The following PRDM16 variants were observed in gnomAD, a reference collection of about 807,000 sequenced individuals.
The protein encoded by PRDM16 is histone-lysine N-methyltransferase PRDM16.
In PRDM16, 23 loss-of-function variants were observed where a neutral mutation model predicts 110.6. The observed-to-expected ratio is 0.21, with a 90% CI of 0.15 to 0.29. The LOEUF (loss-of-function observed/expected upper bound fraction) is 0.29. Among genes scored for constraint, PRDM16 ranks in the 10% least tolerant of loss-of-function variants. The pLI is 1.00. For missense variants in PRDM16, 1,615 were observed against 1,794.3 expected (o/e 0.90, Z 1.81); for synonymous variants, 799 against 781.8 (o/e 1.02, Z -0.37).
At chr1:3,127,227 C>A (rs1046357082) in intron 1 of PRDM16, among the ~76,000 whole-genome samples, 1 of 152,272 alleles carries the variant, frequency 6.6e-6, no homozygotes, top group South Asian at 2.1e-4. Flanking sequence ...CTTGACCTCT[C>A]ATGGTTTCTG....
chr1:3,234,091 G>A (rs372640300), intron 2 of PRDM16, among the ~76,000 whole-genome samples: 17 of 152,200 alleles, frequency 1.1e-4, no homozygotes, highest in South Asian at 4.1e-4. Flanking sequence ...CGATTGGGTC[G>A]GTCCCGGTGT....
At chr1:3,285,942 C>A (rs760003968) in intron 3 of PRDM16, among the ~76,000 whole-genome samples, 1 of 152,220 alleles carries the variant, frequency 6.6e-6, no homozygotes, top group Non-Finnish European at 1.5e-5. Flanking sequence ...AAAGCCCCTG[C>A]GGCGTGACAC....
rs993866830 is a variant in PRDM16 at position 3,080,210 on chromosome 1, G to A, written c.37+10914G>A. ...AAAATTACAGAATTATGCTGCCAGT[G>A]TCAGGTTCCCAGATAATGATGTGTC... On this transcript the variant is annotated intron_variant, in intron 1 of 16. Transcript: ENST00000270722. This position sits in a 1 kb window ranked among gnomAD's most constrained non-coding sequence, Gnocchi z 5.2. Among the ~76,000 whole-genome samples, 2 of 152,174 alleles carry A rather than the reference G, an allele frequency of 1.3e-5. No individual in the cohort carries two copies. The highest frequency in any genetic ancestry group is 4.8e-5 in the African/African-American group (2 of 41,446).
chr1:3,394,025 TGTC>T (rs1177924513), intron 4 of PRDM16, among the ~76,000 whole-genome samples: 2 of 151,468 alleles, frequency 1.3e-5, no homozygotes, highest in Non-Finnish European at 2.9e-5. Flanking sequence ...TCCAGGGCAG[TGTC>T]CGCGCCGGAG....
chr1:3,283,337 C>A (rs1401793982), intron 3 of PRDM16, among the ~76,000 whole-genome samples: 1 of 152,186 alleles, frequency 6.6e-6, no homozygotes, highest in East Asian at 1.9e-4. Context: ...AAGGACACAG[C>A]TGCCCCCCAA....
intron 1 of PRDM16, among the ~76,000 whole-genome samples, chr1:3,082,039 T>C (rs1642040737): frequency 6.6e-6 from 1 of 152,156 alleles, no homozygotes; most frequent in Admixed American, 6.5e-5. Flanking sequence ...ACGCCTCAAA[T>C]CGAACACCGC....
chr1:3,170,216 T>C (rs1165368858), intron 1 of PRDM16, among the ~76,000 whole-genome samples: 1 of 152,220 alleles, frequency 6.6e-6, no homozygotes, highest in Non-Finnish European at 1.5e-5. Context: ...AGGGTGGCCC[T>C]GCACCTGCAG....
intron 3 of PRDM16, chr1:3,308,018 CCACGGTAGA>C (rs1641352616): frequency 6.6e-6 from 1 of 152,090 alleles, no homozygotes; most frequent in Non-Finnish European, 1.5e-5. Flanking sequence ...TTTTTTAGTC[CCACGGTAGA>C]CACCTTATAA....
At chr1:3,362,749 C>T (rs1202751851) in intron 3 of PRDM16, among the ~76,000 whole-genome samples, 3 of 152,208 alleles carry the variant, frequency 2.0e-5, no homozygotes, top group Admixed American at 2.0e-4. Context: ...GGTCTCCTCA[C>T]AACCTCACAG....
intron 1 of PRDM16, among the ~76,000 whole-genome samples, chr1:3,104,334 T>A (rs2100624332): frequency 6.6e-6 from 1 of 151,218 alleles, no homozygotes; most frequent in East Asian, 1.9e-4. Context: ...CTGGGAGGGG[T>A]GGGGTTGGAA....
intron 1 of PRDM16, among the ~76,000 whole-genome samples, chr1:3,146,032 A>G (rs1330315546): frequency 6.6e-6 from 1 of 152,208 alleles, no homozygotes; most frequent in Non-Finnish European, 1.5e-5. Flanking sequence ...TTAGGGACGC[A>G]ATGAGGACCC....
intron 1 of PRDM16, among the ~76,000 whole-genome samples, chr1:3,106,779 G>A (rs1303487238): frequency 1.3e-5 from 2 of 152,192 alleles, no homozygotes; most frequent in African/African-American, 2.4e-5. Flanking sequence ...GCGAGGCAGT[G>A]CTGGCCATTG....
intron 2 of PRDM16, among the ~76,000 whole-genome samples, chr1:3,194,867 C>G (rs1383881601): frequency 2.0e-5 from 3 of 152,242 alleles, no homozygotes; most frequent in African/African-American, 7.2e-5. Context: ...CCACACCACC[C>G]CCACGGTTGA....
chr1:3,199,685 A>G (rs987629034), intron 2 of PRDM16, among the ~76,000 whole-genome samples: 2 of 152,118 alleles, frequency 1.3e-5, no homozygotes, highest in African/African-American at 4.8e-5. Context: ...TAGTGCATGA[A>G]GAATCGCTGG....
rs563940318 is a variant in PRDM16, at chr1:3,153,936, A to G, written c.38-32189A>G. Among the ~76,000 whole-genome samples the G allele has an allele frequency of 2.6e-5, 4 of 152,378 alleles. No individual in the cohort carries two copies. The East Asian group carries it at 7.7e-4, about 29-fold the overall frequency. On this transcript the variant is annotated intron_variant, in intron 1 of 16. Coordinates refer to ENST00000270722, the MANE Select transcript of PRDM16 (RefSeq NM_022114.4). ...GATCCAACTTTTGATTTCACATGTT[A>G]CCAGGGAGGCTTCCTTTGCGAGCTC...
rs571086245 is a variant in PRDM16 at position 3,175,792 on chromosome 1, G to C, written c.38-10333G>C. On this transcript the variant is annotated intron_variant, in intron 1 of 16. Coordinates refer to ENST00000270722, the MANE Select transcript of PRDM16 (RefSeq NM_022114.4). The surrounding 1 kb of genome is among the most constrained non-coding windows in gnomAD (Gnocchi z 4.8). ...AGGGCCTGGCTGAGAAAGCCCAGAC[G>C]TTCCTCTCAGATGAGCCGATCAGGG... 6.6e-6 allele frequency among the ~76,000 whole-genome samples: 1 copy of C among 152,144 alleles called. No homozygotes were observed. Among genetic ancestry groups the C allele is most frequent in the Non-Finnish European group, 1.5e-5 (1 of 68,030 alleles).
chr1:3,272,399 C>T (rs1427435824), intron 3 of PRDM16, among the ~76,000 whole-genome samples: 7 of 152,166 alleles, frequency 4.6e-5, no homozygotes, highest in African/African-American at 1.7e-4. Flanking sequence ...TCTCAGGGCA[C>T]AGAGAAATCC....
intron 10 of PRDM16, among the ~76,000 whole-genome samples, chr1:3,416,509 C>T (rs1343624016): frequency 6.6e-6 from 1 of 152,190 alleles, no homozygotes; most frequent in Non-Finnish European, 1.5e-5. Flanking sequence ...TTCTCCTCAC[C>T]CCCACACCCA....
intron 1 of PRDM16, among the ~76,000 whole-genome samples, chr1:3,082,929 G>C (rs1236928055): frequency 6.6e-6 from 1 of 152,176 alleles, no homozygotes; most frequent in Admixed American, 6.5e-5. Context: ...CAGGATGCTC[G>C]GCCCTCCTGA....
Sources: allele counts gnomAD v4.1 joint callset (sites outside exome capture counted in the v4.1 genomes callset), GRCh38; gene constraint gnomAD v4.1.1; non-coding constraint Gnocchi (gnomAD v3.1); transcripts MANE v1.5; gene names NCBI Gene and HGNC (gene_info 2026-07-23, HGNC 2026-07-21).